The following ABLIM2 variants were observed in gnomAD, a reference collection of about 807,000 sequenced individuals.
ABLIM2 encodes actin binding LIM protein family member 2, also known as actin-binding LIM protein 2.
A neutral mutation model predicts 97.7 loss-of-function variants in ABLIM2; 53 were observed. The observed-to-expected ratio is 0.54, with a 90% CI of 0.44 to 0.68. The LOEUF (loss-of-function observed/expected upper bound fraction) is 0.68. ABLIM2 is among the 30% of genes least tolerant of loss of function. The pLI is 0.00. For missense variants in ABLIM2, 835 were observed against 867.2 expected (o/e 0.96, Z 0.47); for synonymous variants, 361 against 345.8 (o/e 1.04, Z -0.49).
rs1396013370 is a variant in ABLIM2, at chr4:8,149,360, T to C, written c.10+9320A>G. 6.6e-6 allele frequency among the ~76,000 whole-genome samples: 1 copy of C among 152,054 alleles called. No homozygotes were observed. Among genetic ancestry groups the C allele is most frequent in the Non-Finnish European group, 1.5e-5 (1 of 68,016 alleles). On this transcript the variant is annotated intron_variant, in intron 1 of 20. Coordinates refer to ENST00000447017, the MANE Select transcript of ABLIM2 (RefSeq NM_001130083.2). This position sits in a 1 kb window ranked among gnomAD's most constrained non-coding sequence, Gnocchi z 6.4. ...CCTGGGATTAGGACATGGGCACCTT[T>C]GAGTCCACTGTTCAGCCCCCCAACA...
rs1802789550 is a variant in ABLIM2 at position 8,061,178 on chromosome 4, C to T, written c.676-124G>A. Reference sequence around the variant, plus strand: ...ACTCAGGGGATACTGGAAGGGCCAGCCCCCACCATCGGGACCCAAGACCCC... The same window carrying T: ...ACTCAGGGGATACTGGAAGGGCCAGTCCCCACCATCGGGACCCAAGACCCC... On this transcript the variant is annotated intron_variant, in intron 6 of 20. Transcript: ENST00000447017. The surrounding 1 kb of genome is among the most constrained non-coding windows in gnomAD (Gnocchi z 4.5). 4 of 817,342 alleles carry T rather than the reference C, an allele frequency of 4.9e-6. No individual in the cohort carries two copies. Among genetic ancestry groups the T allele is most frequent in the Admixed American group, 4.5e-5 (2 of 44,900 alleles). The allele number at this position is 817,342 out of a possible 1,614,324, so 50.6% of individuals were successfully genotyped here. A position where few individuals can be genotyped will look rare whatever the true frequency, so the allele number is the denominator to read the frequency against.
chr4:8,003,754 G>A lies in ABLIM2; in HGVS notation c.1618+4305C>T, dbSNP rs1348082204. 6.6e-6 allele frequency among the ~76,000 whole-genome samples: 1 copy of A among 151,854 alleles called. No homozygotes were observed. Among genetic ancestry groups the A allele is most frequent in the South Asian group, 2.1e-4 (1 of 4,804 alleles). The stretch of plus-strand genomic sequence containing the variant: ...CTGATTTTTTGTGTTTAGTAGAGAC[G>A]GGGTTTCACCATGTTGGTCAGGCTG... On this transcript the variant is annotated intron_variant, in intron 16 of 20. Coordinates refer to ENST00000447017, the MANE Select transcript of ABLIM2 (RefSeq NM_001130083.2). The surrounding 1 kb of genome is among the most constrained non-coding windows in gnomAD (Gnocchi z 4.2).
intron 5 of ABLIM2, among the ~76,000 whole-genome samples, chr4:8,078,476 G>A (rs1429317766): frequency 6.6e-6 from 1 of 152,250 alleles, no homozygotes; most frequent in Non-Finnish European, 1.5e-5. Flanking sequence ...ACAGAGAAAA[G>A]CCGTCTGCGG....
chr4:8,081,607 A>C (rs2152452766), intron 4 of ABLIM2, among the ~76,000 whole-genome samples: 1 of 151,492 alleles, frequency 6.6e-6, no homozygotes, highest in Non-Finnish European at 1.5e-5. Context: ...GTGCATGTGC[A>C]TCTGTGTGCA....
At chr4:8,144,701 C>A (rs1167642928) in intron 1 of ABLIM2, among the ~76,000 whole-genome samples, 1 of 152,196 alleles carries the variant, frequency 6.6e-6, no homozygotes, top group African/African-American at 2.4e-5. Context: ...CACAGCTCCC[C>A]ACCCCACCAC....
chr4:8,014,640 G>T (rs1767553226), intron 14 of ABLIM2, among the ~76,000 whole-genome samples: 1 of 152,234 alleles, frequency 6.6e-6, no homozygotes, highest in East Asian at 1.9e-4. Context: ...GGTCACCCAT[G>T]TATCCCCAGC....
At chr4:8,007,363 A>G (rs1368914047) in intron 16 of ABLIM2, 1 of 985,416 alleles carries the variant, frequency 1.0e-6, no homozygotes, top group East Asian at 1.1e-4. Flanking sequence ...ATCCTCTCCC[A>G]GCCCCTGCTT....
intron 6 of ABLIM2, among the ~76,000 whole-genome samples, chr4:8,063,463 C>T (rs1288911083): frequency 6.6e-6 from 1 of 152,274 alleles, no homozygotes; most frequent in Admixed American, 6.5e-5. Flanking sequence ...CACACATTAA[C>T]TTGTCAAGTC....
intron 8 of ABLIM2, among the ~76,000 whole-genome samples, chr4:8,049,051 A>G (rs2151860997): frequency 6.6e-6 from 1 of 152,296 alleles, no homozygotes; most frequent in Non-Finnish European, 1.5e-5. Context: ...AGCTCCAGGA[A>G]GCCGCCTGTG....
intron 1 of ABLIM2, among the ~76,000 whole-genome samples, chr4:8,136,382 G>A (rs1249185557): frequency 6.6e-6 from 1 of 152,232 alleles, no homozygotes; most frequent in Non-Finnish European, 1.5e-5. Context: ...CCGTGTAAGT[G>A]TATGTGTTTA....
rs1458996798 is a variant in ABLIM2, at chr4:8,075,553, TGTG to T, written c.675+2072_675+2074del. Among the ~76,000 whole-genome samples the T allele has an allele frequency of 6.6e-6, 1 of 151,824 alleles. No individual in the cohort carries two copies. The highest frequency in any genetic ancestry group is 1.5e-5 in the Non-Finnish European group (1 of 67,960). ...ACAAAAACTACAAAAATTAGCCAGG[TGTG>T]GTGGCGCACACCTGTAGTCCCAGCT... On this transcript the variant is annotated intron_variant, in intron 6 of 20. Transcript: ENST00000447017. The surrounding 1 kb of genome is among the most constrained non-coding windows in gnomAD (Gnocchi z 4.4).
In ABLIM2 at chr4:8,005,070, T is replaced by C. The variant is rs887408893; in HGVS notation, c.1618+2989A>G. 6.6e-6 allele frequency among the ~76,000 whole-genome samples: 1 copy of C among 152,190 alleles called. No individual in the cohort carries two copies. Among genetic ancestry groups the C allele is most frequent in the Admixed American group, 6.5e-5 (1 of 15,290 alleles). ...TCTGGTGGAGGGATGGATGAATGAC[T>C]GAATGATGAACTCAGTCCCGGGTGA... On this transcript the variant is annotated intron_variant, in intron 16 of 20. Transcript: ENST00000447017. The surrounding 1 kb of genome is among the most constrained non-coding windows in gnomAD (Gnocchi z 4.9).
intron 1 of ABLIM2, among the ~76,000 whole-genome samples, chr4:8,139,675 T>C (rs961031642): frequency 6.6e-6 from 1 of 152,202 alleles, no homozygotes; most frequent in Non-Finnish European, 1.5e-5. Flanking sequence ...AGTTCCACCA[T>C]TGTGAAAGAT....
chr4:8,093,095 C>T lies in ABLIM2; in HGVS notation c.338+4004G>A, dbSNP rs187078614. Among the ~76,000 whole-genome samples the T allele has an allele frequency of 3.0e-3, 455 of 152,290 alleles. 2 individuals carry two copies. Among genetic ancestry groups the T allele is most frequent in the African/African-American group, 9.6e-3 (400 of 41,558 alleles). On this transcript the variant is annotated intron_variant, in intron 3 of 20. Transcript: ENST00000447017. ...AACTCCTGAGCTCAAGTGATCTACC[C>T]GGCTCAGCCTCCCAAAGTGCTGGGA...
intron 7 of ABLIM2, among the ~76,000 whole-genome samples, chr4:8,057,871 G>C (rs1800359685): frequency 6.6e-6 from 1 of 152,208 alleles, no homozygotes. Flanking sequence ...CATCCCTGGA[G>C]GCCACACAGA....
At chr4:7,976,792 TAC>T (rs1181096512) in intron 20 of ABLIM2, among the ~76,000 whole-genome samples, 1 of 151,852 alleles carries the variant, frequency 6.6e-6, no homozygotes, top group Non-Finnish European at 1.5e-5. Flanking sequence ...CACACAAGTA[TAC>T]ACACATACAC....
At position 8,113,148 on chromosome 4, in the gene ABLIM2, G is replaced by A. The variant is rs1196129075; in HGVS notation, c.11-6511C>T. On this transcript the variant is annotated intron_variant, in intron 1 of 20. Transcript: ENST00000447017. The surrounding 1 kb of genome is among the most constrained non-coding windows in gnomAD (Gnocchi z 4.5). ...CTCGCTCTGTCAACCAGGCTGGAGTGCAGTGGCGCAGTCTCAGCTCACTGC... is the reference window on the plus strand; with the variant it reads ...CTCGCTCTGTCAACCAGGCTGGAGTACAGTGGCGCAGTCTCAGCTCACTGC... Among the ~76,000 whole-genome samples the A allele has an allele frequency of 6.6e-6, 1 of 152,156 alleles. No individual in the cohort carries two copies. Among genetic ancestry groups the A allele is most frequent in the African/African-American group, 2.4e-5 (1 of 41,444 alleles).
intron 9 of ABLIM2, among the ~76,000 whole-genome samples, chr4:8,040,277 C>T (rs767942040): frequency 5.9e-5 from 9 of 152,100 alleles, no homozygotes; most frequent in East Asian, 3.9e-4. Context: ...GGGGGCCAGG[C>T]GCACAGTAGG....
rs551284624 is a variant in ABLIM2, at chr4:8,001,398, C to T, written c.1618+6661G>A. On this transcript the variant is annotated intron_variant, in intron 16 of 20. Coordinates refer to ENST00000447017, the MANE Select transcript of ABLIM2 (RefSeq NM_001130083.2). The surrounding 1 kb of genome is among the most constrained non-coding windows in gnomAD (Gnocchi z 4.2). ...TGGGCAGGGGGAGGTGTGGGGATTC[C>T]GGCTGAAGGCTAGTCCCCAGGCAAC... Among the ~76,000 whole-genome samples the T allele has an allele frequency of 3.9e-5, 6 of 152,230 alleles. No homozygotes were observed. Among genetic ancestry groups the T allele is most frequent in the East Asian group, 1.9e-4 (1 of 5,162 alleles).
Sources: allele counts gnomAD v4.1 joint callset (sites outside exome capture counted in the v4.1 genomes callset), GRCh38; gene constraint gnomAD v4.1.1; non-coding constraint Gnocchi (gnomAD v3.1); transcripts MANE v1.5; gene names NCBI Gene and HGNC (gene_info 2026-07-23, HGNC 2026-07-21).